Variants in PCDHGA8 observed in about 807,000 individuals in gnomAD.
PCDHGA8 encodes protocadherin gamma subfamily A, 8.
PCDHGA8 carries 45 observed loss-of-function variants against 59.2 expected under a neutral mutation model. The observed-to-expected ratio is 0.76, with a 90% CI of 0.60 to 0.98. PCDHGA8 has a LOEUF of 0.98. PCDHGA8 is among the 50% of genes least tolerant of loss of function. The pLI is 0.00. For missense variants in PCDHGA8, 1,257 were observed against 1,196.2 expected, an observed-to-expected ratio of 1.05 and a Z score of -0.75; for synonymous variants, 531 against 519.0, an observed-to-expected ratio of 1.02 and a Z score of -0.32.
rs748950800 is a variant in PCDHGA8, at chr5:141,476,983, C to T, written c.2425-17824C>T. ...ACTCCTTCGGCAGCCACAACCGCGC[C>T]GGCGTGCGGCAACTATTCGCCTTAG... On this transcript the variant is annotated intron_variant, in intron 1 of 3. Transcript: ENST00000398604. The surrounding 1 kb of genome is among the most constrained non-coding windows in gnomAD (Gnocchi z 7.6). 12 of 1,614,096 alleles carry T rather than the reference C, an allele frequency of 7.4e-6. No individual in the cohort carries two copies. The highest frequency in any genetic ancestry group is 8.5e-7 in the Non-Finnish European group (1 of 1,180,046).
intron 2 of PCDHGA8, among the ~76,000 whole-genome samples, chr5:141,496,353 C>T (rs761547879): frequency 4.6e-5 from 7 of 152,210 alleles, no homozygotes; most frequent in Non-Finnish European, 8.8e-5. Context: ...AGTCTCAGAG[C>T]CCAGGGAGAG....
At chr5:141,468,403 A>C (rs2099166784) in intron 1 of PCDHGA8, 1 of 152,088 alleles carries the variant, frequency 6.6e-6, no homozygotes, top group African/African-American at 2.4e-5. Flanking sequence ...GGTGAGAACT[A>C]ATAATAAGTT....
At position 141,477,020 on chromosome 5, in the gene PCDHGA8, G is replaced by A; in HGVS notation, c.2425-17787G>A. The A allele has an allele frequency of 6.2e-7, 1 of 1,614,224 alleles. No individual in the cohort carries two copies. Among genetic ancestry groups the A allele is most frequent in the Non-Finnish European group, 8.5e-7 (1 of 1,180,048 alleles). ...ACTATTCGCCTTAGACCTTGTAACC[G>A]GGATGCTGACAATCAAGGGTCGGCT... On this transcript the variant is annotated intron_variant, in intron 1 of 3. Transcript: ENST00000398604. This position sits in a 1 kb window ranked among gnomAD's most constrained non-coding sequence, Gnocchi z 4.9.
intron 1 of PCDHGA8, chr5:141,433,139 T>G: frequency 6.2e-7 from 1 of 1,614,068 alleles, no homozygotes; most frequent in Non-Finnish European, 8.5e-7. Context: ...CCTTTTGCTG[T>G]CAGGTGATTC....
At chr5:141,407,932 C>T (rs1465007397) in intron 1 of PCDHGA8, 7 of 504,268 alleles carry the variant, frequency 1.4e-5, no homozygotes, top group Non-Finnish European at 2.0e-5. Context: ...CACGGAGCCT[C>T]TGGGCGCCGC....
intron 1 of PCDHGA8, chr5:141,418,974 G>C (rs754074516): frequency 1.0e-4 from 167 of 1,613,818 alleles, no homozygotes; most frequent in Non-Finnish European, 1.4e-4. Flanking sequence ...TTCAAAACAC[G>C]GGACCAAGAC....
At position 141,491,448 on chromosome 5, in the gene PCDHGA8, A is replaced by G; in HGVS notation, c.2425-3359A>G. ...GGCAGTGCTGCAGGCGCCAGGACTC[A>G]CCCTCCCCGGACTTCTATAAGCAGT... On this transcript the variant is annotated intron_variant, in intron 1 of 3. Coordinates refer to ENST00000398604, the MANE Select transcript of PCDHGA8 (RefSeq NM_032088.2). The surrounding 1 kb of genome is among the most constrained non-coding windows in gnomAD (Gnocchi z 6.9). The G allele has an allele frequency of 6.2e-7, 1 of 1,613,792 alleles. No homozygotes were observed. The highest frequency in any genetic ancestry group is 8.5e-7 in the Non-Finnish European group (1 of 1,179,986).
rs1026815375 is a variant in PCDHGA8, at chr5:141,481,045, G to A, written c.2425-13762G>A. 4.6e-5 allele frequency among the ~76,000 whole-genome samples: 7 copies of A among 152,024 alleles called. No individual in the cohort carries two copies. In the South Asian group the frequency reaches 8.3e-4, roughly 18 times the overall value. ...TGCACTCCAGCCTGGGCGACAGAGCGAGACTCCACCTCAAAAACAAAAAGA... is the reference window on the plus strand; with the variant it reads ...TGCACTCCAGCCTGGGCGACAGAGCAAGACTCCACCTCAAAAACAAAAAGA... On this transcript the variant is annotated intron_variant, in intron 1 of 3. Coordinates refer to ENST00000398604, the MANE Select transcript of PCDHGA8 (RefSeq NM_032088.2).
At chr5:141,483,064 A>G (rs1245942485) in intron 1 of PCDHGA8, among the ~76,000 whole-genome samples, 2 of 152,142 alleles carry the variant, frequency 1.3e-5, no homozygotes, top group Non-Finnish European at 2.9e-5. Context: ...CAGCATGGGC[A>G]ACAGAGAGAG....
chr5:141,477,433 C>T lies in PCDHGA8; in HGVS notation c.2425-17374C>T, dbSNP rs1389102640. On this transcript the variant is annotated intron_variant, in intron 1 of 3. Transcript: ENST00000398604. The surrounding 1 kb of genome is among the most constrained non-coding windows in gnomAD (Gnocchi z 4.9). ...ACGCCGGAACCCCTTCCCTCTCAGCCCTTACAATAGTGCGTGTTCAAGTGT... is the reference window on the plus strand; with the variant it reads ...ACGCCGGAACCCCTTCCCTCTCAGCTCTTACAATAGTGCGTGTTCAAGTGT... 6.2e-7 allele frequency: 1 copy of T among 1,614,048 alleles called. No individual in the cohort carries two copies. The highest frequency in any genetic ancestry group is 2.2e-5 in the East Asian group (1 of 44,892).
chr5:141,436,700 C>T (rs2097841356), intron 1 of PCDHGA8, among the ~76,000 whole-genome samples: 1 of 152,166 alleles, frequency 6.6e-6, no homozygotes, highest in Non-Finnish European at 1.5e-5. Flanking sequence ...AATGCCAGCA[C>T]ACTCGATGTT....
In PCDHGA8 at chr5:141,405,081, C is replaced by T. The variant is rs749102403; in HGVS notation, c.2424+9844C>T. 1.0e-4 allele frequency: 163 copies of T among 1,613,766 alleles called. No homozygotes were observed. The highest frequency in any genetic ancestry group is 1.2e-4 in the Non-Finnish European group (138 of 1,179,768). ...TGTGTCTTCCTCACCTTCGTTATCA[C>T]GCTGCTGGCCCTCAGGCTGAGGCAC... On this transcript the variant is annotated intron_variant, in intron 1 of 3. Transcript: ENST00000398604.
At chr5:141,510,286 A>G (rs1011677966) in intron 3 of PCDHGA8, among the ~76,000 whole-genome samples, 1 of 151,770 alleles carries the variant, frequency 6.6e-6, no homozygotes, top group African/African-American at 2.4e-5. Flanking sequence ...AAAAAAAAAA[A>G]AAAAATGCTG....
At chr5:141,413,374 G>A (rs528233301) in intron 1 of PCDHGA8, 1 of 1,613,946 alleles carries the variant, frequency 6.2e-7, no homozygotes, top group East Asian at 2.2e-5. Context: ...GGCGGAGCGC[G>A]GAGTCCGCAT....
intron 1 of PCDHGA8, among the ~76,000 whole-genome samples, chr5:141,475,231 G>A (rs1188161872): frequency 6.6e-6 from 1 of 152,190 alleles, no homozygotes; most frequent in Admixed American, 6.5e-5. Flanking sequence ...AAAGGGAAAC[G>A]ATAGAGAGAG....
rs1477359818 is a variant in PCDHGA8, at chr5:141,397,350, G to A, written c.2424+2113G>A. 3.9e-5 allele frequency among the ~76,000 whole-genome samples: 6 copies of A among 152,268 alleles called. No individual in the cohort carries two copies. In the East Asian group the frequency reaches 9.6e-4, roughly 24 times the overall value. On this transcript the variant is annotated intron_variant, in intron 1 of 3. Coordinates refer to ENST00000398604, the MANE Select transcript of PCDHGA8 (RefSeq NM_032088.2). ...TATTTTTATAAAGAATGTTAATATA[G>A]TCAGGAAGAGGAGATGTTTGGGGAT... is the stretch of plus-strand genomic sequence containing the variant.
chr5:141,393,865 C>G lies in PCDHGA8; in HGVS notation c.1052C>G (p.Ser351Cys), dbSNP rs770874961. The G allele has an allele frequency of 4.3e-6, 7 of 1,613,838 alleles. No individual in the cohort carries two copies. In the African/African-American group the frequency reaches 8.0e-5, roughly 18 times the overall value. ...AATAGACCAGAAGTGATCATTACGT[C>G]TTTGTTTAGCCCAGTGTTAGAAAAT... The part of the protein sequence containing the change: ...NDNRPEVIIT[S>C]LFSPVLENSL... Residue 351 changes from serine (S) to cysteine (C), a missense_variant, in exon 1 of 4, where the codon TCT (serine) becomes TGT (cysteine). By Grantham distance (112) the Ser-to-Cys change is moderately radical. Transcript: ENST00000398604.
At chr5:141,469,951 T>G (rs1467717372) in intron 1 of PCDHGA8, among the ~76,000 whole-genome samples, 2 of 152,034 alleles carry the variant, frequency 1.3e-5, no homozygotes, top group African/African-American at 4.8e-5. Context: ...GCCAGCATGG[T>G]GAAACCCCAT....
intron 1 of PCDHGA8, chr5:141,428,160 T>C (rs761366261): frequency 6.4e-7 from 1 of 1,572,286 alleles, no homozygotes; most frequent in Non-Finnish European, 8.7e-7. Context: ...AACCTGCTGG[T>C]TGCTGTGCGT....
Sources: allele counts gnomAD v4.1 joint callset (sites outside exome capture counted in the v4.1 genomes callset), GRCh38; gene constraint gnomAD v4.1.1; non-coding constraint Gnocchi (gnomAD v3.1); transcripts MANE v1.5; gene names NCBI Gene and HGNC (gene_info 2026-07-23, HGNC 2026-07-21).